ADORA2B: variants seen among roughly 807,000 people sequenced by gnomAD.
ADORA2B encodes adenosine receptor A2b.
ADORA2B carries 18 observed loss-of-function variants against 20.8 expected under a neutral mutation model. The observed-to-expected ratio is 0.87, with a 90% CI of 0.60 to 1.29. The LOEUF (loss-of-function observed/expected upper bound fraction) is 1.29. Among genes scored for constraint, ADORA2B ranks in the 50% most tolerant of loss-of-function variants. The pLI, the probability that ADORA2B is intolerant of heterozygous loss-of-function variation, is 0.00. For missense variants in ADORA2B, 441 were observed against 422.7 expected (o/e 1.04, Z -0.38); for synonymous variants, 179 against 178.3 (o/e 1.00, Z -0.03).
chr17:15,923,406 TA>T, the ADORA2B span, among the ~76,000 whole-genome samples: 2,408 of 126,022 alleles, frequency 0.019, 56 homozygotes, highest in African/African-American at 0.082. Context: ...TATATATATA[TA>T]TTTTTTTTTT....
At chr17:15,864,617 A>T in the ADORA2B span, among the ~76,000 whole-genome samples, 213 of 152,362 alleles carry the variant, frequency 1.4e-3, no homozygotes, top group African/African-American at 5.0e-3. Flanking sequence ...TGGGCTGGGC[A>T]GGGTAGAGAA....
At chr17:15,957,731 C>T (rs1969985909) in intron 1 of ADORA2B, among the ~76,000 whole-genome samples, 1 of 152,084 alleles carries the variant, frequency 6.6e-6, no homozygotes, top group South Asian at 2.1e-4. Flanking sequence ...CTGGACCGTT[C>T]ATTATTCCTG....
intron 1 of ADORA2B, among the ~76,000 whole-genome samples, chr17:15,954,612 G>GT (rs1969944221): frequency 6.6e-6 from 1 of 152,052 alleles, no homozygotes; most frequent in African/African-American, 2.4e-5. Flanking sequence ...TGTCAAAAAT[G>GT]TTTTTTTGGC....
At chr17:15,883,286 T>A in the ADORA2B span, among the ~76,000 whole-genome samples, 1 of 152,224 alleles carries the variant, frequency 6.6e-6, no homozygotes, top group Non-Finnish European at 1.5e-5. Flanking sequence ...TTAAAAAAAA[T>A]TTCTCTTACT....
chr17:15,860,949 C>T, the ADORA2B span: 1 of 153,658 alleles, frequency 6.5e-6, no homozygotes, highest in Non-Finnish European at 1.5e-5. Context: ...TGAGCACCTC[C>T]ACCAGAGGGA....
chr17:15,862,893 C>T, the ADORA2B span, among the ~76,000 whole-genome samples: 1 of 150,962 alleles, frequency 6.6e-6, no homozygotes, highest in Non-Finnish European at 1.5e-5. Flanking sequence ...TCCTAAGTAG[C>T]TAGTAGTAGC....
chr17:15,903,831 C>T, the ADORA2B span, among the ~76,000 whole-genome samples: 3 of 152,060 alleles, frequency 2.0e-5, no homozygotes, highest in Middle Eastern at 3.2e-3. Flanking sequence ...AGATTTTAGC[C>T]ACTCTAATAT....
At chr17:15,967,013 G>A (rs1970127857) in intron 1 of ADORA2B, among the ~76,000 whole-genome samples, 1 of 152,212 alleles carries the variant, frequency 6.6e-6, no homozygotes, top group African/African-American at 2.4e-5. Flanking sequence ...ACAAACGCAT[G>A]CAGACCTGAG....
chr17:15,900,083 G>A, the ADORA2B span, among the ~76,000 whole-genome samples: 1 of 152,046 alleles, frequency 6.6e-6, no homozygotes, highest in African/African-American at 2.4e-5. Flanking sequence ...GCTTGCCTCG[G>A]CCTCCCAAAG....
intron 1 of ADORA2B, among the ~76,000 whole-genome samples, chr17:15,966,159 G>A (rs1213401793): frequency 6.6e-6 from 1 of 152,218 alleles, no homozygotes; most frequent in African/African-American, 2.4e-5. Context: ...GGAATTTAAA[G>A]CTTGTGAGCT....
intron 1 of ADORA2B, among the ~76,000 whole-genome samples, chr17:15,946,398 G>A (rs1969807004): frequency 1.3e-5 from 2 of 152,216 alleles, no homozygotes; most frequent in African/African-American, 4.8e-5. Flanking sequence ...TCAGGGGATG[G>A]AGTCAGCCAG....
chr17:15,970,734 G>C (rs1970180976), intron 1 of ADORA2B, among the ~76,000 whole-genome samples: 1 of 152,162 alleles, frequency 6.6e-6, no homozygotes, highest in Admixed American at 6.5e-5. Context: ...CCAGAATATG[G>C]AGCTGTGATG....
the ADORA2B span, among the ~76,000 whole-genome samples, chr17:15,891,914 C>G: frequency 3.7e-5 from 5 of 136,778 alleles, no homozygotes; most frequent in Non-Finnish European, 7.6e-5. Flanking sequence ...GTGGTATGAT[C>G]TTGGCTCACT....
chr17:15,874,820 G>C, the ADORA2B span, among the ~76,000 whole-genome samples: 1 of 151,674 alleles, frequency 6.6e-6, no homozygotes, highest in Non-Finnish European at 1.5e-5. Flanking sequence ...CTTTGCAAAA[G>C]GTTGTGTTAT....
the ADORA2B span, among the ~76,000 whole-genome samples, chr17:15,879,271 C>T: frequency 6.6e-6 from 1 of 151,968 alleles, no homozygotes; most frequent in Non-Finnish European, 1.5e-5. Flanking sequence ...GTCAACATAG[C>T]AAGACCTCCT....
the ADORA2B span, among the ~76,000 whole-genome samples, chr17:15,856,413 T>C: frequency 2.0e-5 from 3 of 152,174 alleles, no homozygotes; most frequent in Non-Finnish European, 4.4e-5. Flanking sequence ...AAGGTCTTTA[T>C]AGCCGCGTGA....
chr17:15,877,335 C>T, the ADORA2B span, among the ~76,000 whole-genome samples: 9 of 152,134 alleles, frequency 5.9e-5, no homozygotes, highest in Non-Finnish European at 1.5e-5. Context: ...GGTTTGACTG[C>T]TCATGTTTAG....
the ADORA2B span, among the ~76,000 whole-genome samples, chr17:15,919,510 G>C: frequency 1.1e-4 from 16 of 152,302 alleles, no homozygotes; most frequent in African/African-American, 3.9e-4. Context: ...TCCAGCTATG[G>C]GTGTCATTTT....
At chr17:15,895,774 G>A in the ADORA2B span, among the ~76,000 whole-genome samples, 1 of 152,178 alleles carries the variant, frequency 6.6e-6, no homozygotes, top group Non-Finnish European at 1.5e-5. Context: ...GTGGAGGAGA[G>A]CATTCGGGCC....
Sources: gnomAD v4.1 joint callset for allele counts (sites outside exome capture counted in the v4.1 genomes callset) on GRCh38, gnomAD v4.1.1 for gene constraint, MANE v1.5 for transcripts, NCBI Gene and HGNC (gene_info 2026-07-23, HGNC 2026-07-21) for gene names.